Variants in PCGF5 observed in about 807,000 individuals in gnomAD.
PCGF5 encodes polycomb group RING finger protein 5.
A neutral mutation model predicts 44.3 loss-of-function variants in PCGF5; 9 were observed. That is an observed-to-expected ratio of 0.20 (90% CI 0.12 to 0.35). The LOEUF is 0.35. PCGF5 is among the 10% of genes least tolerant of loss of function. The pLI is 1.00. For missense variants in PCGF5, 146 were observed against 305.3 expected (o/e 0.48, Z 3.89); for synonymous variants, 95 against 102.5 (o/e 0.93, Z 0.44).
chr10:91,238,082 A>G (rs531712471), intron 2 of PCGF5, among the ~76,000 whole-genome samples: 4 of 152,368 alleles, frequency 2.6e-5, no homozygotes, highest in African/African-American at 9.6e-5. Flanking sequence ...AATGTAATTA[A>G]TATAAAATTA....
intron 1 of PCGF5, among the ~76,000 whole-genome samples, chr10:91,197,812 A>G (rs1385478457): frequency 6.6e-6 from 1 of 152,112 alleles, no homozygotes; most frequent in East Asian, 1.9e-4. Context: ...GCCCTTTTCC[A>G]TTGTGAACTT....
rs1419200184 is a variant in PCGF5 at position 91,248,613 on chromosome 10, T to G, written c.266-52T>G. On this transcript the variant is annotated intron_variant, in intron 4 of 9. Coordinates refer to ENST00000336126, the MANE Select transcript of PCGF5 (RefSeq NM_032373.5). Reference sequence around the variant, plus strand: ...CTTTTGTGTTTTATGAAATCAACACTTCTATTAAAGATTTCATGACTTTTA... The same window carrying G: ...CTTTTGTGTTTTATGAAATCAACACGTCTATTAAAGATTTCATGACTTTTA... 6 of 1,599,284 alleles carry G rather than the reference T, an allele frequency of 3.8e-6. No individual in the cohort carries two copies. In the East Asian group the frequency reaches 1.3e-4, roughly 36 times the overall value.
At chr10:91,220,965 G>C (rs1015689194) in intron 1 of PCGF5, 129 bp downstream of exon 1, 2 of 152,212 alleles carry the variant, frequency 1.3e-5, no homozygotes, top group African/African-American at 2.4e-5. Flanking sequence ...AGGGCCCTTC[G>C]GGTGCAGGGG....
chr10:91,216,255 G>C (rs1394021787), upstream of PCGF5, among the ~76,000 whole-genome samples: 1 of 152,210 alleles, frequency 6.6e-6, no homozygotes, highest in Non-Finnish European at 1.5e-5. Flanking sequence ...TGAGGTGCCT[G>C]AGAAGGTGAC....
rs374632015 is a variant in PCGF5 at position 91,185,949 on chromosome 10, T to C, written c.-184+22868T>C. 2.6e-5 allele frequency among the ~76,000 whole-genome samples: 4 copies of C among 152,318 alleles called. No homozygotes were observed. The South Asian group carries it at 8.3e-4, about 32-fold the overall frequency. On this transcript the variant is annotated intron_variant, in intron 1 of 9. Transcript: ENST00000614189. ...ACCTGGATGTTTCAATTGAAAGTGC[T>C]GTATTTACTCGCCCCTTTCATTCCT...
chr10:91,278,427 A>C lies in PCGF5; in HGVS notation c.*111A>C. Reference sequence around the variant, plus strand: ...AGAGGAACACAACCAGATTTTCAGCATGCAAATAAGGCCATTGTCTATCTC... The same window carrying C: ...AGAGGAACACAACCAGATTTTCAGCCTGCAAATAAGGCCATTGTCTATCTC... On this transcript the variant is annotated 3_prime_UTR_variant, in exon 10 of 10. Transcript: ENST00000336126. 1.0e-6 allele frequency: 1 copy of C among 965,378 alleles called. No individual in the cohort carries two copies. Among genetic ancestry groups the C allele is most frequent in the Non-Finnish European group, 1.7e-6 (1 of 604,668 alleles). The allele number at this position is 965,378 out of a possible 1,614,324, so 59.8% of individuals were successfully genotyped here.
intron 2 of PCGF5, among the ~76,000 whole-genome samples, chr10:91,233,703 C>G (rs1439823882): frequency 1.3e-5 from 2 of 152,172 alleles, no homozygotes; most frequent in African/African-American, 2.4e-5. Context: ...GATGCCTCTT[C>G]TCTTTGAACA....
chr10:91,229,007 T>C (rs1412953311), intron 2 of PCGF5, among the ~76,000 whole-genome samples: 1 of 152,218 alleles, frequency 6.6e-6, no homozygotes, highest in Admixed American at 6.5e-5. Context: ...GTAGGCAGTT[T>C]GTATTTTTAA....
At chr10:91,228,960 T>C (rs1467156914) in intron 2 of PCGF5, among the ~76,000 whole-genome samples, 2 of 152,222 alleles carry the variant, frequency 1.3e-5, no homozygotes, top group Non-Finnish European at 2.9e-5. Flanking sequence ...GAAGCACTGC[T>C]TTGGATCAGA....
At chr10:91,223,846 A>T (rs1589377862) in intron 2 of PCGF5, among the ~76,000 whole-genome samples, 1 of 152,170 alleles carries the variant, frequency 6.6e-6, no homozygotes, top group East Asian at 1.9e-4. Flanking sequence ...TGGATGTGGA[A>T]ACTAATGGAT....
intron 1 of PCGF5, among the ~76,000 whole-genome samples, chr10:91,213,714 G>A (rs59899683): frequency 2.1e-4 from 32 of 150,298 alleles, no homozygotes; most frequent in Middle Eastern, 6.8e-3. Context: ...TCAAACTCCC[G>A]ACCTCAGAGA....
At position 91,199,936 on chromosome 10, in the gene PCGF5, A is replaced by G. The variant is rs182270019; in HGVS notation, c.-183-22753A>G. Among the ~76,000 whole-genome samples the G allele has an allele frequency of 9.5e-4, 145 of 152,320 alleles. 1 individual carries two copies. Among genetic ancestry groups the G allele is most frequent in the African/African-American group, 3.4e-3 (143 of 41,578 alleles). On this transcript the variant is annotated intron_variant, in intron 1 of 9. Coordinates refer to the PCGF5 transcript ENST00000614189. Reference sequence around the variant, plus strand: ...TGGGACAGGGAGGAAAAAGAAAGCAATAAAGGGTATAGTTTCAAGAGAATT... The same window carrying G: ...TGGGACAGGGAGGAAAAAGAAAGCAGTAAAGGGTATAGTTTCAAGAGAATT...
intron 2 of PCGF5, among the ~76,000 whole-genome samples, chr10:91,236,704 T>TCA (rs1159916601): frequency 6.6e-6 from 1 of 152,238 alleles, no homozygotes; most frequent in African/African-American, 2.4e-5. Flanking sequence ...TTTGTAGTGA[T>TCA]GAGAAGTTTT....
intron 2 of PCGF5, among the ~76,000 whole-genome samples, chr10:91,230,425 T>C (rs1844971581): frequency 6.6e-6 from 1 of 152,148 alleles, no homozygotes; most frequent in South Asian, 2.1e-4. Flanking sequence ...TGAAGACTTC[T>C]GGTGTTTTAT....
intron 6 of PCGF5, 88 bp downstream of exon 6, chr10:91,251,528 T>C (rs1250796693): frequency 1.6e-6 from 2 of 1,283,628 alleles, no homozygotes; most frequent in Non-Finnish European, 2.2e-6. Flanking sequence ...TGCTTCAAAA[T>C]GTTTGCTTTC....
chr10:91,189,169 A>C (rs575858267), intron 1 of PCGF5, among the ~76,000 whole-genome samples: 10 of 152,212 alleles, frequency 6.6e-5, no homozygotes, highest in Admixed American at 2.0e-4. Flanking sequence ...TCTGAAACAC[A>C]TTCCTTCTCT....
chr10:91,284,151 A>G lies in PCGF5; in HGVS notation c.*5835A>G, dbSNP rs1386051411. The G allele has an allele frequency of 6.6e-6, 1 of 152,438 alleles. No individual in the cohort carries two copies. The highest frequency in any genetic ancestry group is 1.5e-5 in the Non-Finnish European group (1 of 67,992). 9.4% of individuals were successfully genotyped at this position (152,438 alleles called of 1,614,324 possible). ...TATGGAATGTTCTGTACAAAGCTGT[A>G]TAATTGTACTGTTGGGCTAGATACT... On this transcript the variant is annotated 3_prime_UTR_variant, in exon 10 of 10. Coordinates refer to ENST00000336126, the MANE Select transcript of PCGF5 (RefSeq NM_032373.5).
intron 1 of PCGF5, among the ~76,000 whole-genome samples, chr10:91,195,485 T>TAGAGAGAGAG (rs57633765): frequency 1.8e-5 from 2 of 113,484 alleles, no homozygotes; most frequent in Admixed American, 1.0e-4. Flanking sequence ...TATATATATA[T>TAGAGAGAGAG]AGAGAGAGAG....
rs72439811 is a variant in PCGF5 at position 91,275,607 on chromosome 10, A to ATTTT, written c.724-2646_724-2643dup. ...AGGCATGCGCCACCATGCCCGGCTA[A>ATTTT]TTTTTTTTTTTTTTTTTTTGTATTT... On this transcript the variant is annotated intron_variant, in intron 9 of 9. Transcript: ENST00000336126. Among the ~76,000 whole-genome samples, 711 of 128,854 alleles carry ATTTT rather than the reference A, an allele frequency of 5.5e-3. 8 individuals carry two copies. Among genetic ancestry groups the ATTTT allele is most frequent in the African/African-American group, 0.019 (635 of 32,570 alleles). 84.5% of individuals were successfully genotyped at this position (128,854 alleles called of 152,430 possible).
Sources: allele counts gnomAD v4.1 joint callset (sites outside exome capture counted in the v4.1 genomes callset), GRCh38; gene constraint gnomAD v4.1.1; transcripts MANE v1.5; gene names NCBI Gene and HGNC (gene_info 2026-07-23, HGNC 2026-07-21).